Variants in ZFHX3 observed in about 807,000 individuals in gnomAD.
ZFHX3 encodes the protein zinc finger homeobox 3, also known as zinc finger homeobox protein 3.
Under a neutral mutation model 279.1 loss-of-function variants are expected in ZFHX3, and 42 were observed. That is an observed-to-expected ratio of 0.15 (90% CI 0.12 to 0.19). The LOEUF is 0.19. Among genes scored for constraint, ZFHX3 ranks in the 10% least tolerant of loss-of-function variants. ZFHX3 has a pLI of 1.00. For synonymous variants in ZFHX3, 2,293 were observed against 1,957.8 expected, an observed-to-expected ratio of 1.17 and a Z score of -4.52; for missense variants, 4,981 against 4,754.0, an observed-to-expected ratio of 1.05 and a Z score of -1.40.
chr16:73,002,169 T>A (rs999130416), intron 1 of ZFHX3, among the ~76,000 whole-genome samples: 2 of 152,140 alleles, frequency 1.3e-5, no homozygotes, highest in African/African-American at 2.4e-5. Flanking sequence ...GACATGGAAC[T>A]CAAACCCCCG....
At chr16:73,223,496 G>T (rs2012490899) in intron 5 of ZFHX3, among the ~76,000 whole-genome samples, 1 of 152,106 alleles carries the variant, frequency 6.6e-6, no homozygotes, top group Admixed American at 6.6e-5. Context: ...CATCAAGAAA[G>T]TGCAAATTAC....
chr16:72,947,191 A>G (rs985966502), intron 3 of ZFHX3, among the ~76,000 whole-genome samples: 6 of 152,156 alleles, frequency 3.9e-5, no homozygotes, highest in African/African-American at 1.2e-4. Flanking sequence ...CTTCCCCCGG[A>G]TGCCTCGGGC....
At chr16:73,719,974 G>C (rs1444805471) in intron 1 of ZFHX3, among the ~76,000 whole-genome samples, 1 of 152,152 alleles carries the variant, frequency 6.6e-6, no homozygotes, top group Non-Finnish European at 1.5e-5. Context: ...AACAGTACTT[G>C]TTACCTACAA....
intron 1 of ZFHX3, among the ~76,000 whole-genome samples, chr16:73,842,172 C>A (rs1411744224): frequency 6.6e-6 from 1 of 151,708 alleles, no homozygotes; most frequent in African/African-American, 2.4e-5. Context: ...GCCGAGATTG[C>A]ACCACTGCAC....
chr16:73,170,552 G>T (rs1204782756), intron 5 of ZFHX3, among the ~76,000 whole-genome samples: 1 of 152,096 alleles, frequency 6.6e-6, no homozygotes, highest in African/African-American at 2.4e-5. Context: ...TCTGATGCAG[G>T]TTATTGTTGA....
intron 3 of ZFHX3, among the ~76,000 whole-genome samples, chr16:73,416,749 C>T (rs371651624): frequency 5.4e-5 from 8 of 147,848 alleles, no homozygotes; most frequent in East Asian, 1.9e-4. Flanking sequence ...TGGCGGGCGC[C>T]TGTAGTCCCA....
intron 5 of ZFHX3, among the ~76,000 whole-genome samples, chr16:73,236,044 G>T (rs2012938049): frequency 6.6e-6 from 1 of 152,224 alleles, no homozygotes; most frequent in Admixed American, 6.5e-5. Context: ...TTAGCCTACA[G>T]ACACTACTCT....
At chr16:73,667,385 T>TGTGA (rs2052854541) in intron 2 of ZFHX3, among the ~76,000 whole-genome samples, 1 of 152,222 alleles carries the variant, frequency 6.6e-6, no homozygotes, top group Non-Finnish European at 1.5e-5. Flanking sequence ...AATGTTAACA[T>TGTGA]ACGCTTTTGT....
intron 1 of ZFHX3, among the ~76,000 whole-genome samples, chr16:73,830,639 A>G (rs1215947498): frequency 6.6e-6 from 1 of 152,204 alleles, no homozygotes; most frequent in Admixed American, 6.5e-5. Context: ...ATTTAGAGCT[A>G]CTGGCATTTG....
At chr16:72,898,258 AT>A (rs1464781177) in intron 3 of ZFHX3, among the ~76,000 whole-genome samples, 1 of 152,158 alleles carries the variant, frequency 6.6e-6, no homozygotes, top group Admixed American at 6.5e-5. Context: ...CCCAACCATG[AT>A]TTATAAGAAA....
chr16:73,516,119 A>G (rs140883998), intron 2 of ZFHX3, among the ~76,000 whole-genome samples: 404 of 152,354 alleles, frequency 2.7e-3, no homozygotes, highest in Non-Finnish European at 4.4e-3. Flanking sequence ...ATACCATTCC[A>G]TGAGCTATAC....
intron 1 of ZFHX3, among the ~76,000 whole-genome samples, chr16:73,802,073 A>G (rs1055425718): frequency 1.3e-5 from 2 of 152,216 alleles, no homozygotes; most frequent in Non-Finnish European, 2.9e-5. Flanking sequence ...TAACAAATGC[A>G]TCAGTGACCG....
chr16:73,187,535 C>T (rs748707348), intron 5 of ZFHX3, among the ~76,000 whole-genome samples: 1 of 152,124 alleles, frequency 6.6e-6, no homozygotes. Flanking sequence ...TGGTGAGACT[C>T]CTGTGGCAGA....
chr16:73,407,056 C>T (rs1254413872), intron 3 of ZFHX3, among the ~76,000 whole-genome samples: 1 of 152,066 alleles, frequency 6.6e-6, no homozygotes, highest in Non-Finnish European at 1.5e-5. Context: ...TTTTTTCCTG[C>T]AGGGCGTATT....
At chr16:73,202,533 G>A (rs1303586099) in intron 5 of ZFHX3, among the ~76,000 whole-genome samples, 4 of 152,176 alleles carry the variant, frequency 2.6e-5, no homozygotes, top group African/African-American at 9.7e-5. Flanking sequence ...AGATGTTCGG[G>A]CTGCTGGAGT....
chr16:73,813,746 T>G (rs983574846), intron 1 of ZFHX3: 1 of 152,162 alleles, frequency 6.6e-6, no homozygotes, highest in Admixed American at 6.5e-5. Context: ...ATAACCTCCC[T>G]CCTCTTCCTG....
rs375923706 is a variant in ZFHX3 at position 72,846,652 on chromosome 16, G to C, written c.3449-16793C>G. On this transcript the variant is annotated intron_variant, in intron 4 of 9. Coordinates refer to ENST00000268489, the MANE Select transcript of ZFHX3 (RefSeq NM_006885.4). ...CCTTAGCAGAGAACTGTTTGTGTGGGGGACAACCTGCACGGCTTTAGCTGG... is the reference window on the plus strand; with the variant it reads ...CCTTAGCAGAGAACTGTTTGTGTGGCGGACAACCTGCACGGCTTTAGCTGG... Among the ~76,000 whole-genome samples, 5 of 152,378 alleles carry C rather than the reference G, an allele frequency of 3.3e-5. No individual in the cohort carries two copies. In the East Asian group the frequency reaches 5.8e-4, roughly 18 times the overall value.
chr16:73,598,041 G>T (rs56106638), intron 2 of ZFHX3, among the ~76,000 whole-genome samples: 21,684 of 152,088 alleles, frequency 0.14, 1,951 homozygotes, highest in East Asian at 0.19. Context: ...TCATGAGGGG[G>T]TACTTCAAAT....
intron 1 of ZFHX3, among the ~76,000 whole-genome samples, chr16:73,844,857 G>A (rs918615419): frequency 8.0e-6 from 1 of 125,192 alleles, no homozygotes; most frequent in African/African-American, 5.2e-5. Flanking sequence ...TAGATGGATA[G>A]GTAGGTAGGT....
Sources: gnomAD v4.1 joint callset for allele counts (sites outside exome capture counted in the v4.1 genomes callset) on GRCh38, gnomAD v4.1.1 for gene constraint, MANE v1.5 for transcripts, NCBI Gene and HGNC (gene_info 2026-07-23, HGNC 2026-07-21) for gene names.